VPS13D: variants seen among roughly 807,000 people sequenced by gnomAD.
VPS13D encodes the protein intermembrane lipid transfer protein VPS13D.
Under a neutral mutation model 461.9 loss-of-function variants are expected in VPS13D, and 187 were observed. That is an observed-to-expected ratio of 0.40 (90% CI 0.36 to 0.46). The LOEUF (loss-of-function observed/expected upper bound fraction) is 0.46, where lower values mean the gene tolerates loss of function less well. VPS13D is among the 20% of genes least tolerant of loss of function. The probability of loss-of-function intolerance (pLI) is 0.60; values close to 1 mark genes in which losing one functional copy is unlikely to be tolerated. For missense variants in VPS13D, 4,711 were observed against 5,364.9 expected, an observed-to-expected ratio of 0.88 and a Z score of 3.81; for synonymous variants, 1,951 against 1,986.3, an observed-to-expected ratio of 0.98 and a Z score of 0.47.
intron 5 of VPS13D, among the ~76,000 whole-genome samples, chr1:12,247,027 T>C (rs1640573154): frequency 6.6e-6 from 1 of 152,240 alleles, no homozygotes; most frequent in South Asian, 2.1e-4. Flanking sequence ...GGGGTAACTC[T>C]GTTTACTTTT....
At chr1:12,246,645 A>G (rs994426041) in intron 5 of VPS13D, among the ~76,000 whole-genome samples, 1 of 152,188 alleles carries the variant, frequency 6.6e-6, no homozygotes, top group African/African-American at 2.4e-5. Flanking sequence ...GTGCTATAAG[A>G]AAGGAAGGTC....
At chr1:12,272,957 T>A (rs768316070) in intron 17 of VPS13D, 46 bp from the exon 18 acceptor site, 2 of 1,599,756 alleles carry the variant, frequency 1.3e-6, no homozygotes, top group South Asian at 2.2e-5. Context: ...TGGATAAAGC[T>A]GTTGGGTTTC....
Position 12,277,940 on chromosome 1 carries a change from G to A in VPS13D, c.4352G>A (p.Arg1451Gln), listed in dbSNP as rs774147029. Residue 1451 changes from arginine to glutamine, a missense_variant, in exon 19 of 70, where the codon CGG becomes CAG. By Grantham distance (43) the Arg-to-Gln change is conservative. This residue lies in a region of VPS13D where 4,411 missense variants were observed against 4,937.8 expected (regional missense o/e 0.89). Coordinates refer to ENST00000620676, the MANE Select transcript of VPS13D (RefSeq NM_015378.4). ...GAAGCTGTTGGGTCTGAAGGAAGCC[G>A]GATGTTTTGCCCACCTTCCGGGTCT... is the stretch of plus-strand genomic sequence containing the variant. ...GREAVGSEGS[R>Q]MFCPPSGSGS... The A allele has an allele frequency of 1.8e-5, 29 of 1,614,052 alleles. No individual in the cohort carries two copies. The East Asian group carries it at 4.0e-4, about 22-fold the overall frequency.
intron 46 of VPS13D, among the ~76,000 whole-genome samples, chr1:12,349,772 G>A (rs550935929): frequency 6.6e-6 from 1 of 152,262 alleles, no homozygotes; most frequent in East Asian, 1.9e-4. Flanking sequence ...TAATTTGAAG[G>A]TTTATGTACC....
intron 10 of VPS13D, among the ~76,000 whole-genome samples, chr1:12,259,146 A>G (rs563323434): frequency 1.3e-5 from 2 of 151,040 alleles, no homozygotes; most frequent in Admixed American, 6.6e-5. Context: ...GGCTCAAGCC[A>G]TTCTCCCAAC....
At chr1:12,345,553 A>G (rs1643657285) in intron 43 of VPS13D, 44 bp downstream of exon 43, 2 of 1,587,002 alleles carry the variant, frequency 1.3e-6, no homozygotes, top group Admixed American at 3.4e-5. Context: ...GACTGTCAGG[A>G]AGTCAGATGG....
chr1:12,247,220 C>G (rs971116688), intron 5 of VPS13D, among the ~76,000 whole-genome samples: 1 of 152,026 alleles, frequency 6.6e-6, no homozygotes, highest in East Asian at 1.9e-4. Context: ...GTCAGGAGAT[C>G]GAGACCAGCC....
chr1:12,488,806 A>G (rs1645838422), intron 67 of VPS13D, among the ~76,000 whole-genome samples: 1 of 152,194 alleles, frequency 6.6e-6, no homozygotes, highest in African/African-American at 2.4e-5. Flanking sequence ...CTTGTGAAAT[A>G]TCTTGGGATT....
chr1:12,441,123 G>A (rs1231968690), intron 65 of VPS13D, among the ~76,000 whole-genome samples: 1 of 151,904 alleles, frequency 6.6e-6, no homozygotes, highest in Non-Finnish European at 1.5e-5. Flanking sequence ...ACGGGGTTTC[G>A]CCATGTTGAC....
intron 25 of VPS13D, among the ~76,000 whole-genome samples, chr1:12,301,625 T>C (rs558449056): frequency 1.5e-4 from 23 of 152,252 alleles, no homozygotes; most frequent in African/African-American, 5.1e-4. Context: ...TTTAATGGAG[T>C]CCCCATTACA....
rs537871161 is a variant in VPS13D, at chr1:12,382,933, G to A, written c.11191-43G>A. 3.8e-6 allele frequency: 6 copies of A among 1,569,224 alleles called. No individual in the cohort carries two copies. The African/African-American group carries it at 6.8e-5, about 18-fold the overall frequency. On this transcript the variant is annotated intron_variant, in intron 57 of 69. Coordinates refer to ENST00000620676, the MANE Select transcript of VPS13D (RefSeq NM_015378.4). ...GATGTGTTAACTTGTCAAAGTCAGT[G>A]CCTCTGTCTTTTCTCACATGTCTCT... is the stretch of plus-strand genomic sequence containing the variant.
rs780958371 is a variant in VPS13D, at chr1:12,345,390, C to T, written c.8902C>T (p.Arg2968Trp). ...KLRHRHTHDL[R>W]IHQLQVRVNG... ...GCCTGACAGACACACCCATGACCTC[C>T]GGATTCATCAACTGCAAGTGAGAGT... Residue 2968 changes from arginine (R) to tryptophan (W), a missense_variant, in exon 43 of 70, where the codon CGG becomes TGG. By Grantham distance (101) the Arg-to-Trp change is moderately radical. Around this residue, in one of 3 missense-constraint regions of VPS13D, gnomAD observed 4,411 missense variants for 4,937.8 expected, o/e 0.89. Transcript: ENST00000620676. 7 of 1,612,696 alleles carry T rather than the reference C, an allele frequency of 4.3e-6. No individual in the cohort carries two copies. Among genetic ancestry groups the T allele is most frequent in the East Asian group, 2.2e-5 (1 of 44,868 alleles).
chr1:12,477,785 GA>G lies in VPS13D; in HGVS notation c.12662+17394del, dbSNP rs1459247697. 2.3e-4 allele frequency among the ~76,000 whole-genome samples: 35 copies of G among 152,098 alleles called. No individual in the cohort carries two copies. The East Asian group carries it at 6.8e-3, about 29-fold the overall frequency. On this transcript the variant is annotated intron_variant, in intron 67 of 69. Transcript: ENST00000620676. ...TATCCCTCCCTTATAGCCAAAGACCGAAAAATAAATTTTTTTTTTCTACATT... is the reference window on the plus strand; with the variant it reads ...TATCCCTCCCTTATAGCCAAAGACCGAAAATAAATTTTTTTTTTCTACATT...
chr1:12,268,945 C>G, intron 16 of VPS13D, 69 bp downstream of exon 16: 1 of 1,540,992 alleles, frequency 6.5e-7, no homozygotes, highest in South Asian at 1.3e-5. Flanking sequence ...TTCTGGTGTT[C>G]TGGACAAGGG....
At chr1:12,369,355 G>A (rs1350205134) in intron 53 of VPS13D, 112 bp from the exon 54 acceptor site, 3 of 919,652 alleles carry the variant, frequency 3.3e-6, no homozygotes, top group East Asian at 2.4e-5. Flanking sequence ...TATTTCCTGT[G>A]TAAGATTCAT....
chr1:12,367,934 ATTTTAT>A (rs2101624211), intron 52 of VPS13D, among the ~76,000 whole-genome samples: 1 of 151,830 alleles, frequency 6.6e-6, no homozygotes, highest in East Asian at 1.9e-4. Flanking sequence ...AAAATTAATT[ATTTTAT>A]TTTTATTTTT....
At chr1:12,297,208 A>G (rs1642302537) in intron 24 of VPS13D, among the ~76,000 whole-genome samples, 2 of 152,122 alleles carry the variant, frequency 1.3e-5, no homozygotes, top group Non-Finnish European at 2.9e-5. Flanking sequence ...TTATTCCTAC[A>G]TTTTCTGAGG....
At chr1:12,496,237 AT>A (rs1645955697) in intron 67 of VPS13D, among the ~76,000 whole-genome samples, 1 of 152,238 alleles carries the variant, frequency 6.6e-6, no homozygotes, top group African/African-American at 2.4e-5. Flanking sequence ...TTGTAAAATT[AT>A]TGCTGGATTT....
Position 12,373,753 on chromosome 1 carries a change from G to T in VPS13D, c.10812G>T (p.Leu3604Phe), listed in dbSNP as rs777300046. 6.7e-7 allele frequency: 1 copy of T among 1,489,320 alleles called. No individual in the cohort carries two copies. The allele number at this position is 1,489,320 out of a possible 1,614,324, so 92.3% of individuals were successfully genotyped here. A position where few individuals can be genotyped will look rare whatever the true frequency, so the allele number is the denominator to read the frequency against. Residue 3604 changes from leucine to phenylalanine, a missense_variant, in exon 55 of 70, where the codon TTG (leucine) becomes TTT (phenylalanine). Around this residue, in one of 3 missense-constraint regions of VPS13D, gnomAD observed 4,411 missense variants for 4,937.8 expected, o/e 0.89. Transcript: ENST00000620676. ...ATATATATTTTTTAAATTCTAGCTT[G>T]CAGGAGGGAACAGGCAGGCCTGTGG... ...YIAATYTFSG[L>F]QEGTGRPVAS...
Sources: allele counts gnomAD v4.1 joint callset (sites outside exome capture counted in the v4.1 genomes callset), GRCh38; gene constraint gnomAD v4.1.1; regional missense constraint gnomAD v4.1.1; transcripts MANE v1.5; gene names NCBI Gene and HGNC (gene_info 2026-07-23, HGNC 2026-07-21).